The following BBS9 variants were observed in gnomAD, a reference collection of about 807,000 sequenced individuals.
The protein encoded by BBS9 is Bardet-Biedl syndrome 9.
In BBS9, 89 loss-of-function variants were observed where a neutral mutation model predicts 117.7. The observed-to-expected ratio is 0.76, with a 90% CI of 0.64 to 0.90. The LOEUF (loss-of-function observed/expected upper bound fraction) is 0.90. Ranked by LOEUF, BBS9 falls within the 40% of genes least tolerant of loss-of-function variation. BBS9 has a pLI of 0.00. For synonymous variants in BBS9, 379 were observed against 370.9 expected (o/e 1.02, Z -0.25); for missense variants, 982 against 1,042.2 (o/e 0.94, Z 0.80).
intron 19 of BBS9, among the ~76,000 whole-genome samples, chr7:33,503,815 C>G (rs1219286647): frequency 6.6e-6 from 1 of 152,000 alleles, no homozygotes; most frequent in Non-Finnish European, 1.5e-5. Context: ...GGGGGAGGAA[C>G]ACGATTCCAG....
At chr7:33,583,693 A>T (rs1374976589) in intron 21 of BBS9, among the ~76,000 whole-genome samples, 1 of 152,120 alleles carries the variant, frequency 6.6e-6, no homozygotes, top group Admixed American at 6.6e-5. Context: ...GGGCTGGAAA[A>T]AATTTTACAG....
intron 9 of BBS9, among the ~76,000 whole-genome samples, chr7:33,298,378 T>A (rs1171906503): frequency 1.3e-5 from 2 of 152,114 alleles, no homozygotes; most frequent in East Asian, 3.8e-4. Flanking sequence ...TGGGGTTATT[T>A]TGGGGATTGG....
chr7:33,629,303 TG>T (rs755650763), intron 21 of BBS9, among the ~76,000 whole-genome samples: 48 of 152,276 alleles, frequency 3.2e-4, no homozygotes, highest in Non-Finnish European at 6.0e-4. Flanking sequence ...AAATCCTGCA[TG>T]GGGGGGTTCT....
chr7:33,133,339 A>G (rs988319298), intron 1 of BBS9, among the ~76,000 whole-genome samples: 2 of 152,206 alleles, frequency 1.3e-5, no homozygotes, highest in Non-Finnish European at 2.9e-5. Context: ...AACCATTACC[A>G]CAGCCAAGTT....
At chr7:33,625,326 C>T (rs867293196) in intron 21 of BBS9, among the ~76,000 whole-genome samples, 8 of 152,008 alleles carry the variant, frequency 5.3e-5, no homozygotes, top group African/African-American at 4.8e-5. Flanking sequence ...CTACTATGTT[C>T]CAGGCCCTGA....
At chr7:33,389,861 C>A (rs1826751899) in intron 19 of BBS9, among the ~76,000 whole-genome samples, 1 of 151,986 alleles carries the variant, frequency 6.6e-6, no homozygotes, top group African/African-American at 2.4e-5. Context: ...CCTTACCCTC[C>A]CAGAACTTCT....
chr7:33,530,136 CTTTT>C (rs1161235116), intron 20 of BBS9, among the ~76,000 whole-genome samples: 3 of 152,132 alleles, frequency 2.0e-5, no homozygotes, highest in African/African-American at 7.2e-5. Context: ...CTCAAAGGCT[CTTTT>C]TTTGTCTCAG....
At chr7:33,461,569 G>A (rs759514306) in intron 19 of BBS9, among the ~76,000 whole-genome samples, 14 of 151,600 alleles carry the variant, frequency 9.2e-5, no homozygotes, top group South Asian at 4.1e-4. Context: ...CTAGTCTTCC[G>A]CTCTAAGACA....
At chr7:33,634,681 G>T (rs1414759199) in intron 21 of BBS9, among the ~76,000 whole-genome samples, 1 of 152,174 alleles carries the variant, frequency 6.6e-6, no homozygotes, top group African/African-American at 2.4e-5. Context: ...AACGGCTAAA[G>T]AAACAACCAC....
intron 5 of BBS9, among the ~76,000 whole-genome samples, chr7:33,213,339 G>A (rs565576173): frequency 6.6e-6 from 1 of 152,308 alleles, no homozygotes; most frequent in South Asian, 2.1e-4. Flanking sequence ...TCAGACAGCT[G>A]TGGTAAATGC....
chr7:33,471,964 G>A (rs1841099606), intron 19 of BBS9, among the ~76,000 whole-genome samples: 1 of 152,138 alleles, frequency 6.6e-6, no homozygotes, highest in African/African-American at 2.4e-5. Context: ...GACCACAAGT[G>A]CCTAAAATTA....
intron 19 of BBS9, among the ~76,000 whole-genome samples, chr7:33,484,035 G>A (rs555706436): frequency 7.2e-5 from 11 of 152,250 alleles, no homozygotes; most frequent in African/African-American, 2.4e-4. Context: ...TAATTCTTTG[G>A]TATTAGTATT....
chr7:33,294,428 C>T (rs898783105), intron 9 of BBS9, among the ~76,000 whole-genome samples: 1 of 151,780 alleles, frequency 6.6e-6, no homozygotes, highest in Non-Finnish European at 1.5e-5. Flanking sequence ...TATGTATGTA[C>T]ATATCTTTCT....
rs533724949 is a variant in BBS9, at chr7:33,634,180, G to A, written c.2522-997G>A. 1.2e-4 allele frequency among the ~76,000 whole-genome samples: 18 copies of A among 152,296 alleles called. No homozygotes were observed. In the South Asian group the frequency reaches 3.7e-3, roughly 32 times the overall value. On this transcript the variant is annotated intron_variant, in intron 21 of 21. Coordinates refer to the BBS9 transcript ENST00000671952. ...TCCCAAGTCCCTGCCTCCCCCAGGA[G>A]TGCCTGAGCCTTGGTAGGGAGGTGG...
chr7:33,161,570 A>G (rs1161374323), intron 4 of BBS9, among the ~76,000 whole-genome samples: 1 of 152,186 alleles, frequency 6.6e-6, no homozygotes, highest in Non-Finnish European at 1.5e-5. Flanking sequence ...GAATAGTGCC[A>G]TAAAAAACAT....
chr7:33,290,155 T>C (rs1193039028), intron 9 of BBS9, among the ~76,000 whole-genome samples: 1 of 152,142 alleles, frequency 6.6e-6, no homozygotes, highest in Non-Finnish European at 1.5e-5. Context: ...AATGTAAAAA[T>C]TCTGCTTTTT....
At chr7:33,591,858 C>T (rs529166939) in intron 21 of BBS9, among the ~76,000 whole-genome samples, 15 of 150,062 alleles carry the variant, frequency 1.0e-4, no homozygotes, top group African/African-American at 3.2e-4. Flanking sequence ...TACCCCTGGC[C>T]GTCGTCGCCA....
At chr7:33,545,011 T>G (rs1284700741) in intron 21 of BBS9, among the ~76,000 whole-genome samples, 2 of 152,056 alleles carry the variant, frequency 1.3e-5, no homozygotes, top group Admixed American at 1.3e-4. Context: ...CCAGCTCCCA[T>G]GCAAACTGAA....
intron 9 of BBS9, among the ~76,000 whole-genome samples, chr7:33,327,611 C>G (rs546949946): frequency 6.6e-6 from 1 of 152,276 alleles, no homozygotes; most frequent in South Asian, 2.1e-4. Flanking sequence ...AGGCAGGTCA[C>G]TTGAGCCCTG....
Sources: gnomAD v4.1 joint callset for allele counts (sites outside exome capture counted in the v4.1 genomes callset) on GRCh38, gnomAD v4.1.1 for gene constraint, MANE v1.5 for transcripts, NCBI Gene and HGNC (gene_info 2026-07-23, HGNC 2026-07-21) for gene names.